LRBA: variants seen among roughly 807,000 people sequenced by gnomAD.
The protein encoded by LRBA is LPS responsive beige-like anchor protein, also known as lipopolysaccharide-responsive and beige-like anchor protein.
A neutral mutation model predicts 330.0 loss-of-function variants in LRBA; 176 were observed. The observed-to-expected ratio is 0.53, with a 90% CI of 0.47 to 0.60. The LOEUF is 0.60. LRBA is among the 20% of genes least tolerant of loss of function. LRBA has a pLI of 0.00. For synonymous variants in LRBA, 1,230 were observed against 1,193.0 expected, an observed-to-expected ratio of 1.03 and a Z score of -0.64; for missense variants, 3,259 against 3,444.8, an observed-to-expected ratio of 0.95 and a Z score of 1.35.
chr4:150,780,217 A>G (rs1560806770), intron 34 of LRBA, among the ~76,000 whole-genome samples: 1 of 152,174 alleles, frequency 6.6e-6, no homozygotes, highest in Non-Finnish European at 1.5e-5. Context: ...TGAGATTTTA[A>G]TTTCAGTGCT....
intron 50 of LRBA, among the ~76,000 whole-genome samples, chr4:150,316,578 C>G (rs188622742): frequency 1.4e-4 from 21 of 152,284 alleles, no homozygotes; most frequent in African/African-American, 4.3e-4. Flanking sequence ...AACGACTCAG[C>G]CATTCACCCT....
intron 15 of LRBA, 40 bp downstream of exon 15, chr4:150,897,699 C>G: frequency 7.3e-7 from 1 of 1,361,780 alleles, no homozygotes. Flanking sequence ...TTATAACCTT[C>G]AATACACGGT....
chr4:150,983,449 CTTT>C (rs35205576), intron 2 of LRBA, among the ~76,000 whole-genome samples: 8 of 107,236 alleles, frequency 7.5e-5, no homozygotes, highest in African/African-American at 1.9e-4. Context: ...AGCAAGCACT[CTTT>C]TTTTTTTTTT....
At chr4:150,988,101 C>G (rs1265665360) in intron 2 of LRBA, among the ~76,000 whole-genome samples, 1 of 151,792 alleles carries the variant, frequency 6.6e-6, no homozygotes, top group East Asian at 1.9e-4. Context: ...AGACTTCTAT[C>G]TCAAATACAC....
chr4:150,973,433 CT>C (rs1739801858), intron 2 of LRBA, among the ~76,000 whole-genome samples: 1 of 152,174 alleles, frequency 6.6e-6, no homozygotes, highest in Non-Finnish European at 1.5e-5. Flanking sequence ...TCCCAAAGTG[CT>C]GGTATTACAG....
chr4:150,269,886 G>A (rs1296551628), intron 56 of LRBA, among the ~76,000 whole-genome samples: 2 of 152,224 alleles, frequency 1.3e-5, no homozygotes, highest in African/African-American at 4.8e-5. Context: ...TGAGGCTTCA[G>A]TGAGCTGTGA....
chr4:150,404,274 T>A (rs1450965140), intron 47 of LRBA, among the ~76,000 whole-genome samples: 1 of 152,148 alleles, frequency 6.6e-6, no homozygotes, highest in Non-Finnish European at 1.5e-5. Context: ...TAAAATGAAT[T>A]AGATCAGCCA....
At chr4:150,952,879 G>A (rs143526848) in intron 2 of LRBA, among the ~76,000 whole-genome samples, 4 of 152,182 alleles carry the variant, frequency 2.6e-5, no homozygotes, top group Admixed American at 2.6e-4. Flanking sequence ...TTATATCTCT[G>A]TGTATGTGTC....
At chr4:150,619,034 GA>G (rs1255720658) in intron 37 of LRBA, among the ~76,000 whole-genome samples, 8 of 151,486 alleles carry the variant, frequency 5.3e-5, no homozygotes, top group South Asian at 4.2e-4. Context: ...GCCATACCTG[GA>G]AAAAATGCAT....
At chr4:150,665,200 G>C (rs1781460457) in intron 37 of LRBA, among the ~76,000 whole-genome samples, 1 of 152,144 alleles carries the variant, frequency 6.6e-6, no homozygotes, top group Non-Finnish European at 1.5e-5. Context: ...ACCTTATTTA[G>C]AGACTCAGCT....
chr4:150,304,512 G>C (rs1439754303), intron 52 of LRBA, among the ~76,000 whole-genome samples: 3 of 151,756 alleles, frequency 2.0e-5, no homozygotes, highest in Non-Finnish European at 4.4e-5. Context: ...TTTTTCTCCT[G>C]TGATTAAGGG....
chr4:150,717,730 A>T (rs989038297), intron 36 of LRBA, among the ~76,000 whole-genome samples: 9 of 117,640 alleles, frequency 7.7e-5, no homozygotes, highest in East Asian at 4.6e-4. Flanking sequence ...TTTATTTAAT[A>T]AAAAAAAATA....
rs185582090 is a variant in LRBA at position 150,756,639 on chromosome 4, C to T, written c.5645+5144G>A. ...AAAAATAACTAAGATAAAGACAAATCGAATACACAAATAAATGAATTTAGG... is the reference window on the plus strand; with the variant it reads ...AAAAATAACTAAGATAAAGACAAATTGAATACACAAATAAATGAATTTAGG... On this transcript the variant is annotated intron_variant, in intron 35 of 56. Coordinates refer to ENST00000651943, the MANE Select transcript of LRBA (RefSeq NM_001364905.1). Among the ~76,000 whole-genome samples, 344 of 152,080 alleles carry T rather than the reference C, an allele frequency of 2.3e-3. 1 individual carries two copies. The highest frequency in any genetic ancestry group is 7.9e-3 in the African/African-American group (328 of 41,486).
chr4:151,011,574 G>A (rs1024280350), intron 2 of LRBA, among the ~76,000 whole-genome samples: 5 of 148,756 alleles, frequency 3.4e-5, no homozygotes, highest in African/African-American at 1.2e-4. Flanking sequence ...CTCCAGCCTG[G>A]GCAACAGACT....
chr4:150,970,247 C>T (rs1383725773), intron 2 of LRBA, among the ~76,000 whole-genome samples: 1 of 151,910 alleles, frequency 6.6e-6, no homozygotes, highest in Non-Finnish European at 1.5e-5. Flanking sequence ...CATCTGTAAT[C>T]CCAGCACTTA....
Position 150,583,372 on chromosome 4 carries a change from G to A in LRBA, c.6330+4676C>T, listed in dbSNP as rs1328813338. 1 of 1,614,144 alleles carries A rather than the reference G, an allele frequency of 6.2e-7. No individual in the cohort carries two copies. The highest frequency in any genetic ancestry group is 1.7e-5 in the Admixed American group (1 of 60,034). ...GAAGCGGAGCATGTCTCTCTGGGTC[G>A]AGTTCATCACGGCGTCGGGCTATCT... On this transcript the variant is annotated intron_variant, in intron 40 of 56. Coordinates refer to ENST00000651943, the MANE Select transcript of LRBA (RefSeq NM_001364905.1). This position sits in a 1 kb window ranked among gnomAD's most constrained non-coding sequence, Gnocchi z 9.8.
At chr4:150,827,462 G>A (rs1329815892) in intron 30 of LRBA, among the ~76,000 whole-genome samples, 3 of 151,988 alleles carry the variant, frequency 2.0e-5, no homozygotes, top group Non-Finnish European at 4.4e-5. Context: ...AACTGCCCCT[G>A]AGATACTAAA....
chr4:150,783,402 AAAG>A (rs1738557224), intron 34 of LRBA, among the ~76,000 whole-genome samples: 1 of 152,228 alleles, frequency 6.6e-6, no homozygotes, highest in Non-Finnish European at 1.5e-5. Context: ...GCTCTCAAGT[AAAG>A]AAATAGGTAA....
At chr4:150,837,220 T>C (rs1483207128) in intron 28 of LRBA, among the ~76,000 whole-genome samples, 1 of 152,216 alleles carries the variant, frequency 6.6e-6, no homozygotes, top group African/African-American at 2.4e-5. Context: ...TCCAACTATG[T>C]GGTCAATTTT....
Sources: allele counts gnomAD v4.1 joint callset (sites outside exome capture counted in the v4.1 genomes callset), GRCh38; gene constraint gnomAD v4.1.1; non-coding constraint Gnocchi (gnomAD v3.1); transcripts MANE v1.5; gene names NCBI Gene and HGNC (gene_info 2026-07-23, HGNC 2026-07-21).